VCPIP1: variants seen among roughly 807,000 people sequenced by gnomAD.
The protein encoded by VCPIP1 is deubiquitinating protein VCPIP1.
A neutral mutation model predicts 85.0 loss-of-function variants in VCPIP1; 8 were observed. The observed-to-expected ratio is 0.09, with a 90% CI of 0.06 to 0.17. The LOEUF (loss-of-function observed/expected upper bound fraction) is 0.17, where lower values mean the gene tolerates loss of function less well. VCPIP1 is among the 10% of genes least tolerant of loss of function. The pLI, the probability that VCPIP1 is intolerant of heterozygous loss-of-function variation, is 1.00. For missense variants in VCPIP1, 1,070 were observed against 1,486.3 expected, an observed-to-expected ratio of 0.72 and a Z score of 4.61; for synonymous variants, 543 against 544.5, an observed-to-expected ratio of 1.00 and a Z score of 0.04.
chr8:66,630,931 G>C lies in VCPIP1; in HGVS notation c.*3570C>G, dbSNP rs578229372. ...GAATATTTTCATGTGAACAGCTCTG[G>C]TTTGAAAAATTAATTTATACTGTGA... On this transcript the variant is annotated 3_prime_UTR_variant, in exon 3 of 3. Coordinates refer to ENST00000310421, the MANE Select transcript of VCPIP1 (RefSeq NM_025054.5). 6.6e-6 allele frequency: 1 copy of C among 152,436 alleles called. No individual in the cohort carries two copies. Among genetic ancestry groups the C allele is most frequent in the African/African-American group, 2.4e-5 (1 of 41,500 alleles). The allele number at this position is 152,436 out of a possible 1,614,324, so 9.4% of individuals were successfully genotyped here. A position where few individuals can be genotyped will look rare whatever the true frequency, so the allele number is the denominator to read the frequency against.
chr8:66,632,652 A>C lies in VCPIP1; in HGVS notation c.*1849T>G, dbSNP rs1012954030. The C allele has an allele frequency of 6.6e-6, 1 of 152,104 alleles. No homozygotes were observed. Among genetic ancestry groups the C allele is most frequent in the Non-Finnish European group, 1.5e-5 (1 of 67,930 alleles). The allele number at this position is 152,104 out of a possible 1,614,324, so 9.4% of individuals were successfully genotyped here. A position where few individuals can be genotyped will look rare whatever the true frequency, so the allele number is the denominator to read the frequency against. Reference sequence around the variant, plus strand: ...CATGAAAGCAGTGCATTTTTTGCTTAAACAGTTTTCCTGTATTTAAATCCC... The same window carrying C: ...CATGAAAGCAGTGCATTTTTTGCTTCAACAGTTTTCCTGTATTTAAATCCC... On this transcript the variant is annotated 3_prime_UTR_variant, in exon 3 of 3. Coordinates refer to ENST00000310421, the MANE Select transcript of VCPIP1 (RefSeq NM_025054.5).
Position 66,635,310 on chromosome 8 carries a change from C to T in VCPIP1, c.2860G>A (p.Ala954Thr). The stretch of plus-strand genomic sequence containing the variant: ...CACAATTCCAGTCTATCTTCAGAAG[C>T]ATTATAGACAAAGGTTTTGCCAGGC... ...HLPGKTFVYN[A>T]SEDRLELCVD... The change falls in exon 3 of 3, where the codon GCT (alanine) becomes ACT (threonine). Residue 954 changes from alanine (A) to threonine (T), a missense_variant. By Grantham distance (58) the Ala-to-Thr change is moderately conservative. Around this residue, in one of 8 missense-constraint regions of VCPIP1, gnomAD observed 46 missense variants for 95.2 expected, o/e 0.48. Coordinates refer to ENST00000310421, the MANE Select transcript of VCPIP1 (RefSeq NM_025054.5). 6.2e-7 allele frequency: 1 copy of T among 1,614,064 alleles called. No individual in the cohort carries two copies. The highest frequency in any genetic ancestry group is 8.5e-7 in the Non-Finnish European group (1 of 1,180,024).
intron 2 of VCPIP1, among the ~76,000 whole-genome samples, chr8:66,647,144 C>A (rs1811004424): frequency 6.6e-6 from 1 of 152,114 alleles, no homozygotes; most frequent in South Asian, 2.1e-4. Flanking sequence ...AGTTCAAGAC[C>A]AGCCTAGCCA....
chr8:66,651,167 A>G (rs189962294), intron 2 of VCPIP1, among the ~76,000 whole-genome samples: 4 of 150,118 alleles, frequency 2.7e-5, no homozygotes, highest in African/African-American at 9.9e-5. Context: ...CCTGGGCAAC[A>G]AGAACGAAAT....
chr8:66,650,017 T>G (rs537878676), intron 2 of VCPIP1, among the ~76,000 whole-genome samples: 22 of 152,076 alleles, frequency 1.4e-4, no homozygotes, highest in African/African-American at 5.3e-4. Context: ...GGATATTTGG[T>G]GACATAAAAA....
At chr8:66,651,669 C>T in intron 1 of VCPIP1, 125 bp from the exon 2 acceptor site, 1 of 661,924 alleles carries the variant, frequency 1.5e-6, no homozygotes, top group Non-Finnish European at 2.5e-6. Context: ...AACAGCCTGA[C>T]ACGCCATAGA....
Position 66,664,890 on chromosome 8 carries a change from G to A in VCPIP1, c.2069C>T (p.Thr690Ile), listed in dbSNP as rs372186286. The A allele has an allele frequency of 3.7e-6, 6 of 1,614,050 alleles. No individual in the cohort carries two copies. Among genetic ancestry groups the A allele is most frequent in the Middle Eastern group, 1.6e-4 (1 of 6,084 alleles). Residue 690 changes from threonine to isoleucine, a missense_variant, in exon 1 of 3, where the codon ACT (threonine) becomes ATT (isoleucine). Thr to Ile is a moderately conservative substitution (Grantham distance 89). Around this residue, in one of 8 missense-constraint regions of VCPIP1, gnomAD observed 278 missense variants for 298.5 expected, o/e 0.93. Transcript: ENST00000310421. ...QGQESESQLP[T>I]KIILTGQKTK... The stretch of plus-strand genomic sequence containing the variant: ...TTTCTGTCCAGTAAGAATAATTTTA[G>A]TTGGGAGCTGAGACTCTGATTCTTG...
chr8:66,638,962 C>A (rs1364221305), intron 2 of VCPIP1, among the ~76,000 whole-genome samples: 60 of 133,330 alleles, frequency 4.5e-4, no homozygotes, highest in South Asian at 1.8e-3. Context: ...CTCTCTCTCT[C>A]TCTCTCTCTA....
chr8:66,665,095 C>T lies in VCPIP1; in HGVS notation c.1864G>A (p.Val622Ile). The stretch of plus-strand genomic sequence containing the variant: ...ACAAGTTTCATTGCAACATCGTAAA[C>T]ATTACTATTCAAAGATGAATCACTT... Reference protein sequence around the residue: ...YESDSSLNSNVYDVAMKLVTK... With the variant: ...YESDSSLNSNIYDVAMKLVTK... Residue 622 changes from valine to isoleucine, a missense_variant, in exon 1 of 3, where the codon GTT becomes ATT. Physicochemically the swap from Val to Ile is conservative, Grantham distance 29 (BLOSUM62 3). Around this residue, in one of 8 missense-constraint regions of VCPIP1, gnomAD observed 123 missense variants for 156.3 expected, o/e 0.79. Transcript: ENST00000310421. This position sits in a 1 kb window ranked among gnomAD's most constrained non-coding sequence, Gnocchi z 4.3. 6.2e-7 allele frequency: 1 copy of T among 1,613,866 alleles called. No homozygotes were observed. The highest frequency in any genetic ancestry group is 8.5e-7 in the Non-Finnish European group (1 of 1,179,842).
intron 2 of VCPIP1, among the ~76,000 whole-genome samples, chr8:66,649,125 A>G (rs1811027546): frequency 6.6e-6 from 1 of 152,048 alleles, no homozygotes; most frequent in Non-Finnish European, 1.5e-5. Flanking sequence ...AGTCACGATC[A>G]TACCAGTGCA....
chr8:66,649,110 C>A (rs567647495), intron 2 of VCPIP1, among the ~76,000 whole-genome samples: 1 of 152,060 alleles, frequency 6.6e-6, no homozygotes, highest in East Asian at 1.9e-4. Context: ...CTAGAGGCTG[C>A]AGTGAGTCAC....
intron 2 of VCPIP1, among the ~76,000 whole-genome samples, chr8:66,648,551 A>G (rs777068569): frequency 3.3e-5 from 5 of 151,408 alleles, no homozygotes; most frequent in Non-Finnish European, 7.4e-5. Flanking sequence ...CTATCTATCT[A>G]TCTATCTATC....
At chr8:66,641,897 A>C (rs1332078589) in intron 2 of VCPIP1, among the ~76,000 whole-genome samples, 1 of 152,234 alleles carries the variant, frequency 6.6e-6, no homozygotes, top group African/African-American at 2.4e-5. Context: ...GCACCTATGA[A>C]CATTTGTGTA....
chr8:66,630,042 T>A lies in VCPIP1; in HGVS notation c.*4459A>T, dbSNP rs918878084. 3 of 152,120 alleles carry A rather than the reference T, an allele frequency of 2.0e-5. No homozygotes were observed. The highest frequency in any genetic ancestry group is 7.2e-5 in the African/African-American group (3 of 41,430). 9.4% of individuals were successfully genotyped at this position (152,120 alleles called of 1,614,324 possible). A position where few individuals can be genotyped will look rare whatever the true frequency, so the allele number is the denominator to read the frequency against. On this transcript the variant is annotated 3_prime_UTR_variant, in exon 3 of 3. Coordinates refer to ENST00000310421, the MANE Select transcript of VCPIP1 (RefSeq NM_025054.5). ...TATAATTCCAGGAAACTAAAGAACATAAAATTACCTTTAAAAGCTAATGTG... is the reference window on the plus strand; with the variant it reads ...TATAATTCCAGGAAACTAAAGAACAAAAAATTACCTTTAAAAGCTAATGTG...
intron 1 of VCPIP1, among the ~76,000 whole-genome samples, chr8:66,657,952 ATTAT>A (rs1289127718): frequency 7.2e-5 from 11 of 152,170 alleles, no homozygotes; most frequent in Non-Finnish European, 1.5e-4. Flanking sequence ...ACACCTATGC[ATTAT>A]TTTTTATTCA....
At chr8:66,647,702 A>G (rs1047088909) in intron 2 of VCPIP1, among the ~76,000 whole-genome samples, 1 of 152,138 alleles carries the variant, frequency 6.6e-6, no homozygotes, top group African/African-American at 2.4e-5. Flanking sequence ...TGACAAATAT[A>G]CCAAAATAAT....
intron 2 of VCPIP1, among the ~76,000 whole-genome samples, chr8:66,650,638 A>G (rs573321552): frequency 4.6e-5 from 7 of 152,062 alleles, no homozygotes; most frequent in Non-Finnish European, 1.0e-4. Context: ...GATATACGCT[A>G]AATATGGCCA....
chr8:66,638,259 G>A lies in VCPIP1; in HGVS notation c.2798-2887C>T, dbSNP rs1279758116. Among the ~76,000 whole-genome samples, 4 of 152,272 alleles carry A rather than the reference G, an allele frequency of 2.6e-5. No homozygotes were observed. In the South Asian group the frequency reaches 8.3e-4, roughly 32 times the overall value. On this transcript the variant is annotated intron_variant, in intron 2 of 2. Coordinates refer to ENST00000310421, the MANE Select transcript of VCPIP1 (RefSeq NM_025054.5). The stretch of plus-strand genomic sequence containing the variant: ...TAATCCCAGCACTAGGGGAGGCAGA[G>A]GCAAATTGACTACTTGAGCCTAAGA...
At chr8:66,643,033 T>A (rs1487653906) in intron 2 of VCPIP1, among the ~76,000 whole-genome samples, 1 of 152,086 alleles carries the variant, frequency 6.6e-6, no homozygotes, top group African/African-American at 2.4e-5. Flanking sequence ...TTAAAAGGGA[T>A]GTAAAAAGGC....
Sources: gnomAD v4.1 joint callset for allele counts (sites outside exome capture counted in the v4.1 genomes callset) on GRCh38, gnomAD v4.1.1 for gene constraint, gnomAD v4.1.1 regional missense constraint, Gnocchi (gnomAD v3.1) non-coding constraint, MANE v1.5 for transcripts, NCBI Gene and HGNC (gene_info 2026-07-23, HGNC 2026-07-21) for gene names.